The following MACROD2 variants were observed in gnomAD, a reference collection of about 807,000 sequenced individuals.
MACROD2 encodes ADP-ribose glycohydrolase MACROD2.
A neutral mutation model predicts 70.4 loss-of-function variants in MACROD2; 36 were observed. The ratio of observed to expected loss-of-function variants is 0.51; its 90% CI spans 0.39 to 0.68. The LOEUF (loss-of-function observed/expected upper bound fraction) is 0.68. Ranked by LOEUF, MACROD2 falls within the 30% of genes least tolerant of loss-of-function variation. The pLI is 0.00. For synonymous variants in MACROD2, 172 were observed against 178.8 expected (o/e 0.96, Z 0.30); for missense variants, 496 against 538.4 (o/e 0.92, Z 0.78).
chr20:15,641,179 G>A (rs2049454222), intron 8 of MACROD2, among the ~76,000 whole-genome samples: 1 of 152,170 alleles, frequency 6.6e-6, no homozygotes, highest in Non-Finnish European at 1.5e-5. Flanking sequence ...GCGAATCAAG[G>A]TCCCTTGATC....
intron 3 of MACROD2, among the ~76,000 whole-genome samples, chr20:14,333,320 A>T (rs1298044730): frequency 1.3e-5 from 2 of 152,168 alleles, no homozygotes; most frequent in Non-Finnish European, 2.9e-5. Flanking sequence ...AAATGAATCA[A>T]ATTCTGCTTC....
intron 6 of MACROD2, among the ~76,000 whole-genome samples, chr20:15,323,481 A>T (rs1205516234): frequency 6.6e-6 from 1 of 152,128 alleles, no homozygotes; most frequent in East Asian, 1.9e-4. Context: ...AGAGAAAAAA[A>T]CCCCATAAGG....
At chr20:15,651,737 G>A (rs2049647586) in intron 8 of MACROD2, among the ~76,000 whole-genome samples, 1 of 152,078 alleles carries the variant, frequency 6.6e-6, no homozygotes, top group Admixed American at 6.6e-5. Flanking sequence ...GATTATTCCT[G>A]GATATGTGCT....
At chr20:15,388,870 C>T (rs2146290142) in intron 6 of MACROD2, among the ~76,000 whole-genome samples, 1 of 152,226 alleles carries the variant, frequency 6.6e-6, no homozygotes, top group South Asian at 2.1e-4. Flanking sequence ...AAAGAGAAAG[C>T]AGAGGAAAAC....
chr20:14,156,478 C>T (rs550318607), intron 3 of MACROD2, among the ~76,000 whole-genome samples: 12 of 152,252 alleles, frequency 7.9e-5, no homozygotes, highest in Non-Finnish European at 7.4e-5. Context: ...TCTTGTAGTA[C>T]CTAAAATGAC....
chr20:14,245,219 C>T (rs7270435), intron 3 of MACROD2, among the ~76,000 whole-genome samples: 30,377 of 151,898 alleles, frequency 0.2, 3,332 homozygotes, highest in South Asian at 0.32. Context: ...ACAAATCAGC[C>T]GGGCGTGGTG....
At chr20:14,432,501 A>G (rs773021190) in intron 3 of MACROD2, among the ~76,000 whole-genome samples, 1 of 152,078 alleles carries the variant, frequency 6.6e-6, no homozygotes, top group African/African-American at 2.4e-5. Context: ...TGTGTTGAAT[A>G]AATGAAGATA....
At chr20:15,423,594 T>TAAA (rs1291339066) in intron 6 of MACROD2, among the ~76,000 whole-genome samples, 1 of 151,810 alleles carries the variant, frequency 6.6e-6, no homozygotes, top group African/African-American at 2.4e-5. Flanking sequence ...GTGTGTAGAC[T>TAAA]GCTGTCTTCT....
At chr20:15,683,202 G>T (rs6043437) in intron 8 of MACROD2, among the ~76,000 whole-genome samples, 10,255 of 152,202 alleles carry the variant, frequency 0.067, 509 homozygotes, top group African/African-American at 0.14. Flanking sequence ...GAGTTTCTCT[G>T]CCAGAGTTGC....
intron 3 of MACROD2, among the ~76,000 whole-genome samples, chr20:14,459,256 G>A (rs2084339702): frequency 6.6e-6 from 1 of 151,898 alleles, no homozygotes; most frequent in African/African-American, 2.4e-5. Context: ...GATTGGGCTT[G>A]CAATAAAAAG....
intron 3 of MACROD2, among the ~76,000 whole-genome samples, chr20:14,381,000 G>A (rs987738238): frequency 2.0e-5 from 3 of 152,066 alleles, no homozygotes; most frequent in Non-Finnish European, 4.4e-5. Context: ...TATCACCTTA[G>A]AAAGATTTCT....
At chr20:14,497,683 T>G (rs1243717087) in intron 4 of MACROD2, among the ~76,000 whole-genome samples, 3 of 151,732 alleles carry the variant, frequency 2.0e-5, no homozygotes, top group Non-Finnish European at 4.4e-5. Flanking sequence ...AAAATGACGG[T>G]TCCTGACAGA....
chr20:15,132,587 A>G (rs1302776330), intron 5 of MACROD2, among the ~76,000 whole-genome samples: 1 of 151,988 alleles, frequency 6.6e-6, no homozygotes, highest in Non-Finnish European at 1.5e-5. Context: ...ATATATAATA[A>G]AACTAGAGCT....
chr20:14,320,632 G>A (rs546890645), intron 3 of MACROD2, among the ~76,000 whole-genome samples: 11 of 149,958 alleles, frequency 7.3e-5, no homozygotes, highest in Non-Finnish European at 1.0e-4. Flanking sequence ...CTAAATCAGT[G>A]GTCCTTGACC....
chr20:15,379,447 GA>G (rs2045611110), intron 6 of MACROD2, among the ~76,000 whole-genome samples: 1 of 151,862 alleles, frequency 6.6e-6, no homozygotes, highest in African/African-American at 2.4e-5. Flanking sequence ...GTAGGCATAT[GA>G]AAATCCAGGG....
chr20:14,991,124 G>T (rs1176421967), intron 5 of MACROD2, among the ~76,000 whole-genome samples: 1 of 152,020 alleles, frequency 6.6e-6, no homozygotes, highest in Non-Finnish European at 1.5e-5. Flanking sequence ...TGGCCTAGTA[G>T]GAAAGGAAAT....
At chr20:15,737,585 G>A (rs936862659) in intron 8 of MACROD2, among the ~76,000 whole-genome samples, 3 of 152,182 alleles carry the variant, frequency 2.0e-5, no homozygotes, top group Admixed American at 6.5e-5. Flanking sequence ...CTCTTACACC[G>A]TGTCTCTCAA....
intron 5 of MACROD2, among the ~76,000 whole-genome samples, chr20:15,144,436 T>C (rs1162265464): frequency 6.6e-6 from 1 of 152,208 alleles, no homozygotes; most frequent in East Asian, 1.9e-4. Flanking sequence ...TTTTACCCCT[T>C]ATCCAATTAT....
chr20:14,523,743 A>G (rs1198676416), intron 4 of MACROD2, among the ~76,000 whole-genome samples: 2 of 152,198 alleles, frequency 1.3e-5, no homozygotes, highest in Non-Finnish European at 2.9e-5. Context: ...CTAGAAATTT[A>G]CTAGCTTATG....
Sources: allele counts gnomAD v4.1 joint callset (sites outside exome capture counted in the v4.1 genomes callset), GRCh38; gene constraint gnomAD v4.1.1; transcripts MANE v1.5; gene names NCBI Gene and HGNC (gene_info 2026-07-23, HGNC 2026-07-21).